The following VCAN variants were observed in gnomAD, a reference collection of about 807,000 sequenced individuals.
The protein encoded by VCAN is versican, also known as versican core protein.
Under a neutral mutation model 245.5 loss-of-function variants are expected in VCAN, and 44 were observed. The ratio of observed to expected loss-of-function variants is 0.18; its 90% CI spans 0.14 to 0.23. The LOEUF (loss-of-function observed/expected upper bound fraction) is 0.23, where lower values mean the gene tolerates loss of function less well. VCAN is among the 10% of genes least tolerant of loss of function. VCAN has a pLI of 1.00. For missense variants in VCAN, 3,793 were observed against 4,057.9 expected (o/e 0.93, Z 1.77); for synonymous variants, 1,413 against 1,437.0 (o/e 0.98, Z 0.38).
At chr5:83,554,488 A>G (rs1020918387) in intron 11 of VCAN, among the ~76,000 whole-genome samples, 31 of 152,336 alleles carry the variant, frequency 2.0e-4, no homozygotes, top group African/African-American at 7.5e-4. Flanking sequence ...TGTCTAATCT[A>G]GGTGTTCACT....
intron 1 of VCAN, among the ~76,000 whole-genome samples, chr5:83,481,749 T>A (rs1466772191): frequency 6.6e-6 from 1 of 152,188 alleles, no homozygotes; most frequent in East Asian, 1.9e-4. Flanking sequence ...TCTAGAATTA[T>A]AGAATTTAAA....
intron 6 of VCAN, among the ~76,000 whole-genome samples, chr5:83,514,024 A>G (rs1423496839): frequency 6.6e-6 from 1 of 152,214 alleles, no homozygotes; most frequent in Non-Finnish European, 1.5e-5. Context: ...GTCTGTAGCC[A>G]CAAAGACTAT....
chr5:83,567,380 A>G lies in VCAN; in HGVS notation c.9736-5036A>G, dbSNP rs1427297670. Among the ~76,000 whole-genome samples, 2 of 152,076 alleles carry G rather than the reference A, an allele frequency of 1.3e-5. 1 individual carries two copies. The highest frequency in any genetic ancestry group is 2.9e-5 in the Non-Finnish European group (2 of 68,024). ...CAATGGTGCGATCTTGGCTCACTGCAACCTCCACCTCCCAGGTTCAAGTGA... is the reference window on the plus strand; with the variant it reads ...CAATGGTGCGATCTTGGCTCACTGCGACCTCCACCTCCCAGGTTCAAGTGA... On this transcript the variant is annotated intron_variant, in intron 12 of 14. Transcript: ENST00000265077.
chr5:83,555,568 A>G (rs1747639047), intron 12 of VCAN, among the ~76,000 whole-genome samples: 1 of 152,204 alleles, frequency 6.6e-6, no homozygotes, highest in Non-Finnish European at 1.5e-5. Flanking sequence ...TGAAGAAAGA[A>G]GTGACTTGGA....
chr5:83,483,691 A>T (rs1744693156), intron 2 of VCAN, 103 bp downstream of exon 2: 1 of 1,093,494 alleles, frequency 9.1e-7, no homozygotes, highest in African/African-American at 1.6e-5. Flanking sequence ...ATTGATTTTT[A>T]AAATCTATTA....
intron 7 of VCAN, chr5:83,535,469 T>C (rs995757701): frequency 6.6e-6 from 1 of 152,142 alleles, no homozygotes; most frequent in African/African-American, 2.4e-5. Context: ...AGTCTTATTG[T>C]CTGGGTTTTT....
intron 5 of VCAN, among the ~76,000 whole-genome samples, chr5:83,497,640 A>C (rs371061941): frequency 2.4e-3 from 360 of 152,304 alleles, no homozygotes; most frequent in African/African-American, 8.3e-3. Context: ...TAAAATGGGA[A>C]TCTAGAAATT....
At chr5:83,505,978 G>A (rs547926560) in intron 5 of VCAN, among the ~76,000 whole-genome samples, 43 of 152,330 alleles carry the variant, frequency 2.8e-4, no homozygotes, top group Non-Finnish European at 5.6e-4. Context: ...ACTCAGCCAC[G>A]GTTTGAGTGG....
intron 6 of VCAN, among the ~76,000 whole-genome samples, chr5:83,514,499 G>A (rs1325069275): frequency 1.3e-5 from 2 of 149,748 alleles, no homozygotes; most frequent in East Asian, 3.9e-4. Flanking sequence ...TGCCCAGGCT[G>A]GAGTGCAATG....
At position 83,519,367 on chromosome 5, in the gene VCAN, T is replaced by C; in HGVS notation, c.1061T>C (p.Ile354Thr). The C allele has an allele frequency of 3.7e-6, 6 of 1,613,998 alleles. No homozygotes were observed. The highest frequency in any genetic ancestry group is 5.1e-6 in the Non-Finnish European group (6 of 1,179,886). ...YCFKPKEATT[I>T]DLSILAETAS... The stretch of plus-strand genomic sequence containing the variant: ...TTTCTAGCTAAAGAGGCTACAACCA[T>C]CGATTTGAGTATCCTCGCAGAAACT... Residue 354 changes from isoleucine (I) to threonine (T), a missense_variant, in exon 7 of 15, where the codon ATC becomes ACC. Physicochemically the swap from Ile to Thr is moderately conservative, Grantham distance 89. Around this residue, in one of 5 missense-constraint regions of VCAN, gnomAD observed 190 missense variants for 288.6 expected, o/e 0.66. Transcript: ENST00000265077.
Position 83,537,601 on chromosome 5 carries a change from C to T in VCAN, c.4598C>T (p.Ala1533Val), listed in dbSNP as rs376039194. The change falls in exon 8 of 15, where the codon GCA becomes GTA. Residue 1533 changes from alanine (A) to valine (V), a missense_variant. By Grantham distance (64) the Ala-to-Val change is moderately conservative. Coordinates refer to ENST00000265077, the MANE Select transcript of VCAN (RefSeq NM_004385.5). The part of the protein sequence containing the change: ...TERDTEVGHQ[A>V]HEHTEPVSLF... ...AGAGATACTGAAGTTGGTCATCAGG[C>T]ACATGAACATACTGAACCTGTATCT... The T allele has an allele frequency of 2.5e-6, 4 of 1,613,790 alleles. No individual in the cohort carries two copies. Among genetic ancestry groups the T allele is most frequent in the Non-Finnish European group, 3.4e-6 (4 of 1,179,912 alleles).
At position 83,539,272 on chromosome 5, in the gene VCAN, A is replaced by G. The variant is rs767918859; in HGVS notation, c.6269A>G (p.Gln2090Arg). 1.3e-5 allele frequency: 21 copies of G among 1,613,980 alleles called. No individual in the cohort carries two copies. Among genetic ancestry groups the G allele is most frequent in the Admixed American group, 6.7e-5 (4 of 59,966 alleles). The change falls in exon 8 of 15, where the codon CAA (glutamine) becomes CGA (arginine). Residue 2090 changes from glutamine to arginine, a missense_variant. Physicochemically the swap from Gln to Arg is conservative, Grantham distance 43. Transcript: ENST00000265077. ...VSGTVSTNFP[Q>R]TIEPAKLWSR... ...GGCACAGTTTCAACAAACTTTCCCC[A>G]AACTATAGAGCCAGCCAAATTATGG...
intron 13 of VCAN, among the ~76,000 whole-genome samples, chr5:83,572,893 ATTTAT>A (rs1216001828): frequency 6.8e-6 from 1 of 147,592 alleles, no homozygotes; most frequent in Non-Finnish European, 1.5e-5. Context: ...TTATTTATTT[ATTTAT>A]TTATTATTAT....
chr5:83,553,493 T>A lies in VCAN; in HGVS notation c.9623T>A (p.Leu3208Gln), dbSNP rs764395140. The change falls in exon 11 of 15, where the codon CTG (leucine) becomes CAG (glutamine). Residue 3208 changes from leucine (L) to glutamine (Q), a missense_variant. Physicochemically the swap from Leu to Gln is moderately radical, Grantham distance 113. Coordinates refer to ENST00000265077, the MANE Select transcript of VCAN (RefSeq NM_004385.5). ...CAGGGTGCCCATCTCACAAGCATCC[T>A]GTCTCACGAAGAACAAATGTTTGTT... ...RLQGAHLTSI[L>Q]SHEEQMFVNR... 6.2e-7 allele frequency: 1 copy of A among 1,614,160 alleles called. No homozygotes were observed. The highest frequency in any genetic ancestry group is 1.7e-5 in the Admixed American group (1 of 60,024).
At position 83,519,613 on chromosome 5, in the gene VCAN, T is replaced by C. The variant is rs773736745; in HGVS notation, c.1307T>C (p.Met436Thr). ...GGCAGTACCAAGAAGCCCTGGGATA[T>C]GGATGACTACTCACCTTCTGCTTCA... ...PTGSTKKPWD[M>T]DDYSPSASGP... The change falls in exon 7 of 15, where the codon ATG (methionine) becomes ACG (threonine). Residue 436 changes from methionine to threonine, a missense_variant. Physicochemically the swap from Met to Thr is moderately conservative, Grantham distance 81. Around this residue, in one of 5 missense-constraint regions of VCAN, gnomAD observed 3,182 missense variants for 3,250.3 expected, o/e 0.98. Coordinates refer to ENST00000265077, the MANE Select transcript of VCAN (RefSeq NM_004385.5). The C allele has an allele frequency of 4.3e-6, 7 of 1,614,046 alleles. No homozygotes were observed. The highest frequency in any genetic ancestry group is 4.0e-5 in the African/African-American group (3 of 74,936).
In VCAN at chr5:83,540,800, A is replaced by T; in HGVS notation, c.7797A>T (p.Thr2599=). The change falls in exon 8 of 15, where the codon ACA becomes ACT. Residue 2599 remains threonine, a synonymous_variant. Transcript: ENST00000265077. ...DILGMQTDID[T]EVPSEPHDSN... is the part of the protein sequence containing the mutation. Reference sequence around the variant, plus strand: ...TTGGAATGCAAACAGATATAGATACAGAGGTACCATCAGAACCACATGACA... The same window carrying T: ...TTGGAATGCAAACAGATATAGATACTGAGGTACCATCAGAACCACATGACA... 1 of 1,614,034 alleles carries T rather than the reference A, an allele frequency of 6.2e-7. No homozygotes were observed. Among genetic ancestry groups the T allele is most frequent in the Non-Finnish European group, 8.5e-7 (1 of 1,179,968 alleles).
intron 5 of VCAN, among the ~76,000 whole-genome samples, chr5:83,508,682 G>A (rs1016532446): frequency 2.0e-5 from 3 of 152,114 alleles, no homozygotes. Context: ...ATAACTGACT[G>A]CACGTTATCT....
At chr5:83,562,672 A>AT (rs4004158) in intron 12 of VCAN, among the ~76,000 whole-genome samples, 196 of 146,648 alleles carry the variant, frequency 1.3e-3, no homozygotes, top group African/African-American at 4.5e-3. Context: ...AAAAAAAAAA[A>AT]ATATATTGAA....
chr5:83,476,066 C>T (rs1320521399), intron 1 of VCAN, among the ~76,000 whole-genome samples: 2 of 152,150 alleles, frequency 1.3e-5, no homozygotes, highest in African/African-American at 4.8e-5. Flanking sequence ...TAGGAAAGGA[C>T]CTAAACAGCT....
Sources: gnomAD v4.1 joint callset for allele counts (sites outside exome capture counted in the v4.1 genomes callset) on GRCh38, gnomAD v4.1.1 for gene constraint, gnomAD v4.1.1 regional missense constraint, MANE v1.5 for transcripts, NCBI Gene and HGNC (gene_info 2026-07-23, HGNC 2026-07-21) for gene names.